The following SUGCT variants were observed in gnomAD, a reference collection of about 807,000 sequenced individuals.
SUGCT encodes succinyl-CoA:glutarate-CoA transferase, also known as succinyl-CoA:glutarate CoA-transferase.
In SUGCT, 41 loss-of-function variants were observed where a neutral mutation model predicts 55.0. That is an observed-to-expected ratio of 0.74 (90% CI 0.58 to 0.97). SUGCT has a LOEUF of 0.97. Among genes scored for constraint, SUGCT ranks in the 50% least tolerant of loss-of-function variants. The probability of loss-of-function intolerance (pLI) is 0.00; values close to 1 mark genes in which losing one functional copy is unlikely to be tolerated. For missense variants in SUGCT, 568 were observed against 547.8 expected, an observed-to-expected ratio of 1.04 and a Z score of -0.37; for synonymous variants, 187 against 200.4, an observed-to-expected ratio of 0.93 and a Z score of 0.56.
chr7:40,662,312 C>A (rs760039933), intron 12 of SUGCT, among the ~76,000 whole-genome samples: 1 of 152,240 alleles, frequency 6.6e-6, no homozygotes, highest in Non-Finnish European at 1.5e-5. Context: ...CCACCTCACT[C>A]GTCTCCTCAC....
At chr7:40,807,978 T>A (rs1791199105) in intron 13 of SUGCT, among the ~76,000 whole-genome samples, 1 of 152,162 alleles carries the variant, frequency 6.6e-6, no homozygotes, top group Admixed American at 6.5e-5. Context: ...CTACCCAGAT[T>A]GAGGGTGGGT....
At chr7:40,529,896 T>C (rs547272626) in intron 12 of SUGCT, among the ~76,000 whole-genome samples, 2 of 152,154 alleles carry the variant, frequency 1.3e-5, no homozygotes, top group Non-Finnish European at 2.9e-5. Flanking sequence ...TGTTCAAAGG[T>C]ACAAGGAAAG....
intron 13 of SUGCT, among the ~76,000 whole-genome samples, chr7:40,791,254 C>G (rs1258186878): frequency 1.3e-5 from 2 of 152,130 alleles, no homozygotes; most frequent in Non-Finnish European, 1.5e-5. Context: ...ACAAATTTGT[C>G]TTCATCAGAT....
At chr7:40,203,065 T>C (rs191571822) in intron 6 of SUGCT, among the ~76,000 whole-genome samples, 14 of 152,298 alleles carry the variant, frequency 9.2e-5, no homozygotes, top group Admixed American at 5.9e-4. Context: ...TGTATCAAGG[T>C]CTCTGACGCT....
chr7:40,658,136 T>C (rs1216391765), intron 12 of SUGCT, among the ~76,000 whole-genome samples: 1 of 152,238 alleles, frequency 6.6e-6, no homozygotes, highest in African/African-American at 2.4e-5. Context: ...AAGTCTTCGA[T>C]TAAGCCATTT....
chr7:40,338,633 C>T (rs1244126481), intron 9 of SUGCT, among the ~76,000 whole-genome samples: 1 of 152,268 alleles, frequency 6.6e-6, no homozygotes, highest in South Asian at 2.1e-4. Flanking sequence ...ACTGGTTATT[C>T]TAGTTAGCCA....
chr7:40,157,402 G>C (rs537956592), intron 1 of SUGCT, among the ~76,000 whole-genome samples: 1 of 152,216 alleles, frequency 6.6e-6, no homozygotes, highest in South Asian at 2.1e-4. Context: ...ACCTATCAAT[G>C]GGTTTTCATT....
At chr7:40,261,601 G>A (rs531704303) in intron 7 of SUGCT, among the ~76,000 whole-genome samples, 15 of 152,154 alleles carry the variant, frequency 9.9e-5, no homozygotes, top group African/African-American at 3.4e-4. Flanking sequence ...AACTCTTCTC[G>A]GTCCTCTGGA....
chr7:40,288,013 AC>A (rs1361849031), intron 8 of SUGCT, among the ~76,000 whole-genome samples: 1 of 151,890 alleles, frequency 6.6e-6, no homozygotes, highest in Non-Finnish European at 1.5e-5. Flanking sequence ...CAATTTTTCA[AC>A]CCTTGGAAAA....
intron 9 of SUGCT, among the ~76,000 whole-genome samples, chr7:40,417,882 A>G (rs1171482921): frequency 8.1e-6 from 1 of 123,576 alleles, no homozygotes; most frequent in Non-Finnish European, 1.7e-5. Context: ...TGCTTTATTT[A>G]TTACACTTAC....
intron 1 of SUGCT, among the ~76,000 whole-genome samples, chr7:40,159,833 G>T (rs1784062874): frequency 6.6e-6 from 1 of 152,174 alleles, no homozygotes; most frequent in Non-Finnish European, 1.5e-5. Flanking sequence ...TTCTGGGAGG[G>T]AGTCTGGAAT....
the SUGCT span, among the ~76,000 whole-genome samples, chr7:41,035,307 A>C: frequency 6.6e-6 from 1 of 152,246 alleles, no homozygotes; most frequent in African/African-American, 2.4e-5. Flanking sequence ...GCTGTAACAC[A>C]ACCACTTACA....
intron 9 of SUGCT, among the ~76,000 whole-genome samples, chr7:40,407,656 G>C (rs1349513025): frequency 1.3e-5 from 2 of 151,936 alleles, no homozygotes; most frequent in Non-Finnish European, 2.9e-5. Flanking sequence ...GTTCTATTTT[G>C]GCACTCCTCT....
intron 9 of SUGCT, among the ~76,000 whole-genome samples, chr7:40,358,085 G>T (rs776365605): frequency 6.6e-6 from 1 of 152,186 alleles, no homozygotes; most frequent in Non-Finnish European, 1.5e-5. Context: ...GGCAATTATA[G>T]AAAACTTCTG....
intron 9 of SUGCT, among the ~76,000 whole-genome samples, chr7:40,411,382 G>A (rs1404872463): frequency 6.6e-6 from 1 of 152,204 alleles, no homozygotes; most frequent in African/African-American, 2.4e-5. Context: ...GATAGAGTGA[G>A]ACTGTGTCTC....
chr7:40,977,418 T>C, the SUGCT span, among the ~76,000 whole-genome samples: 2 of 152,198 alleles, frequency 1.3e-5, no homozygotes, highest in Non-Finnish European at 1.5e-5. Context: ...TGGGGGTAGA[T>C]TATTTAAAGT....
chr7:40,406,284 ATAT>A lies in SUGCT; in HGVS notation c.817-42999_817-42997del, dbSNP rs568333660. On this transcript the variant is annotated intron_variant, in intron 9 of 13. Transcript: ENST00000335693. Reference sequence around the variant, plus strand: ...ACCAATCTTAGGTTTGACAATGGTAATATTATATATAGGAGTAACTGGGGAGGT... The same window carrying A: ...ACCAATCTTAGGTTTGACAATGGTAATATATATAGGAGTAACTGGGGAGGT... Among the ~76,000 whole-genome samples, 23 of 152,212 alleles carry A rather than the reference ATAT, an allele frequency of 1.5e-4. No homozygotes were observed. The South Asian group carries it at 4.1e-3, about 27-fold the overall frequency.
chr7:40,239,142 A>G (rs1485713005), intron 7 of SUGCT, among the ~76,000 whole-genome samples: 2 of 151,894 alleles, frequency 1.3e-5, no homozygotes, highest in African/African-American at 4.8e-5. Flanking sequence ...TCCAGGCTGG[A>G]GTGCAGCCTC....
At chr7:40,779,132 A>G (rs1385455304) in intron 13 of SUGCT, among the ~76,000 whole-genome samples, 1 of 152,088 alleles carries the variant, frequency 6.6e-6, no homozygotes, top group Non-Finnish European at 1.5e-5. Context: ...AAATTCACCC[A>G]ACTTCTTTTC....
Sources: allele counts gnomAD v4.1 joint callset (sites outside exome capture counted in the v4.1 genomes callset), GRCh38; gene constraint gnomAD v4.1.1; transcripts MANE v1.5; gene names NCBI Gene and HGNC (gene_info 2026-07-23, HGNC 2026-07-21).